CEP128: variants seen among roughly 807,000 people sequenced by gnomAD.
CEP128 encodes the protein centrosomal protein 128.
In CEP128, 132 loss-of-function variants were observed where a neutral mutation model predicts 156.7. The observed-to-expected ratio is 0.84, with a 90% CI of 0.73 to 0.97. The LOEUF is 0.97. CEP128 is among the 50% of genes least tolerant of loss of function. CEP128 has a pLI of 0.00. For synonymous variants in CEP128, 469 were observed against 448.9 expected, an observed-to-expected ratio of 1.04 and a Z score of -0.57; for missense variants, 1,252 against 1,281.9, an observed-to-expected ratio of 0.98 and a Z score of 0.36.
chr14:80,761,744 C>T (rs1466934494), intron 16 of CEP128, 131 bp from the exon 17 acceptor site: 1 of 560,954 alleles, frequency 1.8e-6, no homozygotes, highest in Non-Finnish European at 2.9e-6. Context: ...CCTTACTTTA[C>T]CAAAATAAAA....
At chr14:80,744,064 G>C (rs1239992653) in intron 18 of CEP128, among the ~76,000 whole-genome samples, 1 of 151,528 alleles carries the variant, frequency 6.6e-6, no homozygotes, top group Non-Finnish European at 1.5e-5. Flanking sequence ...TTGTAGAGTT[G>C]GGATTTCGCC....
chr14:80,501,740 G>A (rs1306735805), intron 24 of CEP128, among the ~76,000 whole-genome samples: 2 of 151,816 alleles, frequency 1.3e-5, no homozygotes, highest in Non-Finnish European at 2.9e-5. Context: ...TCCAGACCTC[G>A]CGATCCGCCC....
Position 80,712,471 on chromosome 14 carries a change from G to C in CEP128, c.2806+30604C>G, listed in dbSNP as rs117834049. 7.5e-4 allele frequency among the ~76,000 whole-genome samples: 114 copies of C among 152,230 alleles called. 2 individuals carry two copies. In the East Asian group the frequency reaches 0.015, roughly 20 times the overall value. The stretch of plus-strand genomic sequence containing the variant: ...ACTTCAGCTACCACTTGGGCCCAGA[G>C]AGGTGTTCACACTGTCCCTGGAAGG... On this transcript the variant is annotated intron_variant, in intron 19 of 24. Coordinates refer to ENST00000555265, the MANE Select transcript of CEP128 (RefSeq NM_152446.5).
At chr14:80,603,761 C>A (rs1354266434) in intron 19 of CEP128, among the ~76,000 whole-genome samples, 3 of 152,030 alleles carry the variant, frequency 2.0e-5, no homozygotes, top group Non-Finnish European at 2.9e-5. Flanking sequence ...TTAGAGAGCC[C>A]TGCTTGCCAA....
chr14:80,821,321 C>T (rs966313674), intron 13 of CEP128, among the ~76,000 whole-genome samples: 1 of 152,116 alleles, frequency 6.6e-6, no homozygotes, highest in Non-Finnish European at 1.5e-5. Flanking sequence ...AATGTATGAA[C>T]AGTTAAAATT....
chr14:80,919,652 G>A (rs190245599), intron 2 of CEP128, among the ~76,000 whole-genome samples: 40 of 152,014 alleles, frequency 2.6e-4, no homozygotes, highest in African/African-American at 7.7e-4. Context: ...GTAAAGATAC[G>A]GGGGCATCTG....
At chr14:80,717,567 T>C (rs1241249243) in intron 19 of CEP128, among the ~76,000 whole-genome samples, 1 of 152,118 alleles carries the variant, frequency 6.6e-6, no homozygotes, top group African/African-American at 2.4e-5. Flanking sequence ...GGTTTATATA[T>C]TTTGAAAATA....
Position 80,702,159 on chromosome 14 carries a change from A to G in CEP128, c.2806+40916T>C, listed in dbSNP as rs564852350. ...TTTGTTGTCTGTCTCCTGCCAATAG[A>G]ATGTAAGAAACACAGCTACAGGGAT... On this transcript the variant is annotated intron_variant, in intron 19 of 24. Coordinates refer to ENST00000555265, the MANE Select transcript of CEP128 (RefSeq NM_152446.5). Among the ~76,000 whole-genome samples the G allele has an allele frequency of 2.3e-3, 345 of 152,284 alleles. 2 individuals carry two copies. The highest frequency in any genetic ancestry group is 7.7e-3 in the African/African-American group (321 of 41,556).
At chr14:80,949,809 T>C (rs12050279) in intron 2 of CEP128, among the ~76,000 whole-genome samples, 7,197 of 152,126 alleles carry the variant, frequency 0.047, 223 homozygotes, top group South Asian at 0.11. Flanking sequence ...ACAAAAATTA[T>C]CAGGCATACA....
chr14:80,536,014 G>A (rs1212165299), intron 21 of CEP128, among the ~76,000 whole-genome samples: 1 of 152,226 alleles, frequency 6.6e-6, no homozygotes, highest in Non-Finnish European at 1.5e-5. Flanking sequence ...CAAAGAGTAA[G>A]CTGTCAGTTT....
chr14:80,905,632 C>T (rs28609268), intron 5 of CEP128: 10,253 of 201,616 alleles, frequency 0.051, 1,099 homozygotes, highest in African/African-American at 0.28. Context: ...TACGCTAGGA[C>T]AGGATACCTA....
chr14:80,899,842 CA>C, intron 7 of CEP128, 95 bp downstream of exon 7: 1 of 881,994 alleles, frequency 1.1e-6, no homozygotes, highest in South Asian at 1.6e-5. Context: ...ACAAACACAA[CA>C]TTTTTTAAAA....
intron 2 of CEP128, among the ~76,000 whole-genome samples, chr14:80,948,907 C>CT (rs1363709231): frequency 6.6e-6 from 1 of 152,138 alleles, no homozygotes; most frequent in Non-Finnish European, 1.5e-5. Flanking sequence ...ATGGTTAGCC[C>CT]TAAGGCATGT....
chr14:80,603,326 G>C (rs545787474), intron 19 of CEP128, among the ~76,000 whole-genome samples: 1 of 152,290 alleles, frequency 6.6e-6, no homozygotes, highest in East Asian at 1.9e-4. Flanking sequence ...AAGTAGATTT[G>C]TGGTTGCCAG....
chr14:80,654,571 T>C (rs1172335455), intron 19 of CEP128, among the ~76,000 whole-genome samples: 1 of 152,166 alleles, frequency 6.6e-6, no homozygotes, highest in Non-Finnish European at 1.5e-5. Context: ...CCTTCACTTA[T>C]TCAATTCCTG....
rs1031116081 is a variant in CEP128, at chr14:80,849,133, G to T, written c.763-8365C>A. Among the ~76,000 whole-genome samples the T allele has an allele frequency of 8.5e-5, 13 of 152,082 alleles. 1 individual carries two copies. The highest frequency in any genetic ancestry group is 1.6e-4 in the Non-Finnish European group (11 of 67,994). On this transcript the variant is annotated intron_variant, in intron 9 of 24. Coordinates refer to ENST00000555265, the MANE Select transcript of CEP128 (RefSeq NM_152446.5). ...GACAAAATTTAATGATAGACTTGGTGTAAAGAACAGGAGAAAAGGAGAGGC... is the reference window on the plus strand; with the variant it reads ...GACAAAATTTAATGATAGACTTGGTTTAAAGAACAGGAGAAAAGGAGAGGC...
At chr14:80,887,439 C>T (rs944959090) in intron 8 of CEP128, among the ~76,000 whole-genome samples, 1 of 152,178 alleles carries the variant, frequency 6.6e-6, no homozygotes, top group African/African-American at 2.4e-5. Context: ...TCTCAGACCA[C>T]AGTGCAATCA....
chr14:80,611,360 T>C (rs938604521), intron 19 of CEP128, among the ~76,000 whole-genome samples: 8 of 151,480 alleles, frequency 5.3e-5, no homozygotes, highest in Admixed American at 2.6e-4. Context: ...TAAGGTCATT[T>C]TGAGTTTGGA....
intron 21 of CEP128, among the ~76,000 whole-genome samples, chr14:80,544,063 T>G (rs1425842456): frequency 6.6e-6 from 1 of 152,242 alleles, no homozygotes; most frequent in African/African-American, 2.4e-5. Context: ...AAGCATTTAC[T>G]AGCACCTACT....
Sources: gnomAD v4.1 joint callset for allele counts (sites outside exome capture counted in the v4.1 genomes callset) on GRCh38, gnomAD v4.1.1 for gene constraint, MANE v1.5 for transcripts, NCBI Gene and HGNC (gene_info 2026-07-23, HGNC 2026-07-21) for gene names.